Variants in TSC22D1 observed in about 807,000 individuals in gnomAD.
TSC22D1 encodes TSC22 domain family member 1.
TSC22D1 carries 9 observed loss-of-function variants against 74.2 expected under a neutral mutation model. The observed-to-expected ratio is 0.12, with a 90% CI of 0.07 to 0.21. The LOEUF (loss-of-function observed/expected upper bound fraction) is 0.21. Ranked by LOEUF, TSC22D1 falls within the 10% of genes least tolerant of loss-of-function variation. The pLI, the probability that TSC22D1 is intolerant of heterozygous loss-of-function variation, is 1.00. For missense variants in TSC22D1, 1,427 were observed against 1,304.7 expected, an observed-to-expected ratio of 1.09 and a Z score of -1.44; for synonymous variants, 586 against 492.5, an observed-to-expected ratio of 1.19 and a Z score of -2.51.
intron 1 of TSC22D1, among the ~76,000 whole-genome samples, chr13:44,529,531 C>A (rs1313725061): frequency 6.6e-6 from 1 of 152,032 alleles, no homozygotes; most frequent in Non-Finnish European, 1.5e-5. Context: ...ATATTGGGAA[C>A]AAGACAAGGA....
At chr13:44,514,371 A>AT (rs746203061) in intron 1 of TSC22D1, among the ~76,000 whole-genome samples, 1 of 151,154 alleles carries the variant, frequency 6.6e-6, no homozygotes, top group African/African-American at 2.4e-5. Flanking sequence ...ATTTGACTAC[A>AT]TAAAAAAAAC....
At chr13:44,538,018 A>C (rs567997157) in intron 1 of TSC22D1, 8 of 985,192 alleles carry the variant, frequency 8.1e-6, no homozygotes, top group Non-Finnish European at 9.6e-6. Context: ...AGAAAGAAAC[A>C]GAAACATTTT....
chr13:44,537,158 T>TCC, intron 1 of TSC22D1: 1 of 879,350 alleles, frequency 1.1e-6, no homozygotes, highest in Non-Finnish European at 1.4e-6. Context: ...ATACAGATAT[T>TCC]ACACAATTAG....
At chr13:44,510,385 T>C (rs986815712) in intron 1 of TSC22D1, among the ~76,000 whole-genome samples, 1 of 151,196 alleles carries the variant, frequency 6.6e-6, no homozygotes, top group Non-Finnish European at 1.5e-5. Flanking sequence ...AGAGTGAAAC[T>C]CCGTCTCAAA....
intron 1 of TSC22D1, among the ~76,000 whole-genome samples, chr13:44,520,387 A>G (rs1301614880): frequency 6.6e-6 from 1 of 152,108 alleles, no homozygotes; most frequent in Admixed American, 6.5e-5. Context: ...CACTTGATCT[A>G]CTAATAACCT....
At chr13:44,443,036 AAGG>A (rs936461954) in intron 1 of TSC22D1, among the ~76,000 whole-genome samples, 1 of 151,998 alleles carries the variant, frequency 6.6e-6, no homozygotes, top group African/African-American at 2.4e-5. Flanking sequence ...AAAAAAAAAA[AAGG>A]AGAGAAAACA....
At position 44,449,816 on chromosome 13, in the gene TSC22D1, A is replaced by G. The variant is rs563218096; in HGVS notation, c.2913-13721T>C. On this transcript the variant is annotated intron_variant, in intron 1 of 2. Coordinates refer to ENST00000458659, the MANE Select transcript of TSC22D1 (RefSeq NM_183422.4). ...AGAAATGGTCAACATAATACATCTT[A>G]GCTAGAAAGATATAAACTAGAATTT... Among the ~76,000 whole-genome samples the G allele has an allele frequency of 1.1e-4, 17 of 152,368 alleles. No individual in the cohort carries two copies. In the South Asian group the frequency reaches 3.3e-3, roughly 30 times the overall value.
At chr13:44,494,528 G>A (rs957513764) in intron 1 of TSC22D1, among the ~76,000 whole-genome samples, 5 of 149,902 alleles carry the variant, frequency 3.3e-5, no homozygotes, top group African/African-American at 9.8e-5. Flanking sequence ...ACTGCATTTC[G>A]GCCTGGGCAA....
At chr13:44,542,789 G>A (rs916993631) in intron 1 of TSC22D1, among the ~76,000 whole-genome samples, 2 of 152,020 alleles carry the variant, frequency 1.3e-5, no homozygotes, top group African/African-American at 4.8e-5. Context: ...ATGTAAAGAT[G>A]CTTTCAAAAT....
intron 1 of TSC22D1, among the ~76,000 whole-genome samples, chr13:44,499,491 T>G (rs750088976): frequency 5.9e-5 from 9 of 152,194 alleles, no homozygotes; most frequent in Non-Finnish European, 8.8e-5. Context: ...TTTACTCTAG[T>G]TGTTCAAATC....
intron 1 of TSC22D1, among the ~76,000 whole-genome samples, chr13:44,447,840 T>TC (rs1349201604): frequency 6.7e-6 from 1 of 149,348 alleles, no homozygotes; most frequent in African/African-American, 2.4e-5. Context: ...TTTCTTTTTT[T>TC]TTTTTTTTTT....
At chr13:44,538,674 C>G (rs1284328089) in intron 1 of TSC22D1, 3 of 985,218 alleles carry the variant, frequency 3.0e-6, no homozygotes. Flanking sequence ...CATTTTCAGA[C>G]CAAAAGTAAA....
intron 1 of TSC22D1, among the ~76,000 whole-genome samples, chr13:44,498,602 C>A (rs1879081994): frequency 6.6e-6 from 1 of 152,078 alleles, no homozygotes; most frequent in Admixed American, 6.5e-5. Flanking sequence ...AGAGCAGGGG[C>A]CATGACTTTA....
At position 44,498,453 on chromosome 13, in the gene TSC22D1, TTTTCACAGCATACCAACCA is replaced by T. The variant is rs568110997; in HGVS notation, c.2913-62377_2913-62359del. ...GTCTCATTCAGTTTCCAATTCTCTATTTTCACAGCATACCAACCATTTCACAGCATACCAACCATTTATG... is the reference window on the plus strand; with the variant it reads ...GTCTCATTCAGTTTCCAATTCTCTATTTTCACAGCATACCAACCATTTATG... On this transcript the variant is annotated intron_variant, in intron 1 of 2. Coordinates refer to ENST00000458659, the MANE Select transcript of TSC22D1 (RefSeq NM_183422.4). 4.0e-3 allele frequency among the ~76,000 whole-genome samples: 615 copies of T among 152,272 alleles called. 2 individuals are homozygous for T. Among genetic ancestry groups the T allele is most frequent in the Non-Finnish European group, 6.9e-3 (471 of 68,020 alleles).
intron 1 of TSC22D1, among the ~76,000 whole-genome samples, chr13:44,552,698 A>G (rs1882363288): frequency 6.6e-6 from 1 of 152,216 alleles, no homozygotes; most frequent in South Asian, 2.1e-4. Flanking sequence ...AATAGAAAAT[A>G]AGGTGGTAGG....
At chr13:44,454,221 AG>A (rs901816887) in intron 1 of TSC22D1, among the ~76,000 whole-genome samples, 1 of 152,176 alleles carries the variant, frequency 6.6e-6, no homozygotes, top group African/African-American at 2.4e-5. Flanking sequence ...CAGCAGGGGA[AG>A]ACCAGTTATG....
At chr13:44,445,216 T>TACAC (rs55714213) in intron 1 of TSC22D1, among the ~76,000 whole-genome samples, 2,331 of 144,704 alleles carry the variant, frequency 0.016, 22 homozygotes, top group South Asian at 0.029. Context: ...AGGTCAAAGA[T>TACAC]ACACACACAC....
At chr13:44,548,429 T>C (rs1367367753) in intron 1 of TSC22D1, among the ~76,000 whole-genome samples, 2 of 152,190 alleles carry the variant, frequency 1.3e-5, no homozygotes, top group East Asian at 1.9e-4. Flanking sequence ...AAATACTTAG[T>C]GTATGATAAA....
At chr13:44,565,237 T>G (rs1230550032) in intron 1 of TSC22D1, among the ~76,000 whole-genome samples, 1 of 151,884 alleles carries the variant, frequency 6.6e-6, no homozygotes, top group Non-Finnish European at 1.5e-5. Context: ...TAAAGAAGAC[T>G]CAGAAAACCT....
Sources: allele counts gnomAD v4.1 joint callset (sites outside exome capture counted in the v4.1 genomes callset), GRCh38; gene constraint gnomAD v4.1.1; transcripts MANE v1.5; gene names NCBI Gene and HGNC (gene_info 2026-07-23, HGNC 2026-07-21).